The following KIAA0825 variants were observed in gnomAD, a reference collection of about 807,000 sequenced individuals.
The protein encoded by KIAA0825 is uncharacterized protein KIAA0825.
A neutral mutation model predicts 147.6 loss-of-function variants in KIAA0825; 119 were observed. The observed-to-expected ratio is 0.81, with a 90% CI of 0.69 to 0.94. The LOEUF (loss-of-function observed/expected upper bound fraction) is 0.94. Among genes scored for constraint, KIAA0825 ranks in the 40% least tolerant of loss-of-function variants. The pLI is 0.00. For synonymous variants in KIAA0825, 470 were observed against 518.1 expected (o/e 0.91, Z 1.26); for missense variants, 1,381 against 1,472.7 (o/e 0.94, Z 1.02).
intron 20 of KIAA0825, among the ~76,000 whole-genome samples, chr5:94,233,447 G>C (rs1303263328): frequency 6.6e-6 from 1 of 152,128 alleles, no homozygotes; most frequent in Non-Finnish European, 1.5e-5. Context: ...CTCATTTCTT[G>C]TTTGTGTTTG....
intron 5 of KIAA0825, among the ~76,000 whole-genome samples, chr5:94,493,375 G>T (rs1194026320): frequency 6.6e-6 from 1 of 152,174 alleles, no homozygotes; most frequent in Non-Finnish European, 1.5e-5. Context: ...ACCCTTTCAG[G>T]AATTTAGACA....
chr5:94,440,209 C>G, intron 13 of KIAA0825, 88 bp from the exon 14 acceptor site: 1 of 1,255,100 alleles, frequency 8.0e-7, no homozygotes, highest in African/African-American at 1.5e-5. Flanking sequence ...ATGCTAACTC[C>G]TTTAAATGTC....
intron 1 of KIAA0825, among the ~76,000 whole-genome samples, chr5:94,587,478 G>A (rs563899865): frequency 9.9e-5 from 15 of 152,100 alleles, no homozygotes; most frequent in African/African-American, 3.6e-4. Context: ...TAGGAATCCA[G>A]CTTACAAGGG....
chr5:94,350,467 G>A (rs761586304), intron 20 of KIAA0825, among the ~76,000 whole-genome samples: 38 of 151,974 alleles, frequency 2.5e-4, no homozygotes, highest in Non-Finnish European at 4.0e-4. Context: ...ACCAGGAAAG[G>A]ACATAACCAA....
chr5:94,356,335 C>T (rs917459210), intron 20 of KIAA0825, among the ~76,000 whole-genome samples: 2 of 151,858 alleles, frequency 1.3e-5, no homozygotes, highest in Non-Finnish European at 2.9e-5. Context: ...CAGCCGGGAG[C>T]GGTGGCTCAT....
At chr5:94,563,977 G>T (rs1317029905) in intron 2 of KIAA0825, among the ~76,000 whole-genome samples, 1 of 152,022 alleles carries the variant, frequency 6.6e-6, no homozygotes, top group Admixed American at 6.5e-5. Context: ...GAGCCATAGT[G>T]CCTGCCCTGA....
chr5:94,495,900 T>C (rs962406872), intron 5 of KIAA0825, among the ~76,000 whole-genome samples: 6 of 152,226 alleles, frequency 3.9e-5, no homozygotes, highest in African/African-American at 1.4e-4. Flanking sequence ...TTTGAGTATA[T>C]AGACAAATCT....
At chr5:94,154,471 T>C (rs1204052695) in intron 20 of KIAA0825, among the ~76,000 whole-genome samples, 1 of 152,240 alleles carries the variant, frequency 6.6e-6, no homozygotes, top group African/African-American at 2.4e-5. Context: ...ATATTTTTCA[T>C]AGCATTTTTT....
chr5:94,419,074 C>A (rs1442493854), intron 14 of KIAA0825, among the ~76,000 whole-genome samples: 1 of 152,034 alleles, frequency 6.6e-6, no homozygotes, highest in Non-Finnish European at 1.5e-5. Context: ...TGGGGTCTTG[C>A]TCTGTTGCTC....
chr5:94,268,531 A>G (rs773292947), intron 20 of KIAA0825, among the ~76,000 whole-genome samples: 5 of 152,192 alleles, frequency 3.3e-5, no homozygotes, highest in Non-Finnish European at 7.3e-5. Context: ...GCTATGCCAC[A>G]AATAGAAACG....
intron 1 of KIAA0825, among the ~76,000 whole-genome samples, chr5:94,614,950 G>A (rs892979506): frequency 2.0e-5 from 3 of 151,820 alleles, no homozygotes; most frequent in African/African-American, 7.3e-5. Context: ...CAGACAACAC[G>A]TTTGAGGCTT....
intron 2 of KIAA0825, among the ~76,000 whole-genome samples, chr5:94,541,907 C>T (rs1026993433): frequency 6.6e-6 from 1 of 152,126 alleles, no homozygotes; most frequent in African/African-American, 2.4e-5. Flanking sequence ...TATTGGTATA[C>T]GTTCCAAAAT....
chr5:94,218,916 T>C (rs1219444614), intron 20 of KIAA0825, among the ~76,000 whole-genome samples: 1 of 152,210 alleles, frequency 6.6e-6, no homozygotes, highest in Non-Finnish European at 1.5e-5. Flanking sequence ...ATTTACCTTA[T>C]TCAGCTTTGG....
intron 20 of KIAA0825, among the ~76,000 whole-genome samples, chr5:94,364,858 G>C (rs117728165): frequency 6.6e-6 from 1 of 151,966 alleles, no homozygotes; most frequent in Non-Finnish European, 1.5e-5. Context: ...CTGTAAAATC[G>C]ACCTGCAGAC....
intron 20 of KIAA0825, among the ~76,000 whole-genome samples, chr5:94,376,937 A>C (rs949450419): frequency 1.3e-5 from 2 of 152,148 alleles, no homozygotes; most frequent in African/African-American, 2.4e-5. Flanking sequence ...AACTATAAAC[A>C]TTGTGTTAAT....
At chr5:94,450,866 A>G (rs750233603) in intron 13 of KIAA0825, among the ~76,000 whole-genome samples, 1 of 152,198 alleles carries the variant, frequency 6.6e-6, no homozygotes, top group African/African-American at 2.4e-5. Context: ...TACACCTGTT[A>G]ACATCATCCT....
chr5:94,203,753 A>T (rs1407322511), intron 20 of KIAA0825, among the ~76,000 whole-genome samples: 1 of 152,160 alleles, frequency 6.6e-6, no homozygotes, highest in Non-Finnish European at 1.5e-5. Context: ...ACAGCTCCTC[A>T]TCTCCTTCCC....
chr5:94,158,580 A>G (rs1767260429), intron 20 of KIAA0825, among the ~76,000 whole-genome samples: 1 of 152,196 alleles, frequency 6.6e-6, no homozygotes. Context: ...ATCTCCAAAT[A>G]ATATTGAATA....
intron 20 of KIAA0825, among the ~76,000 whole-genome samples, chr5:94,252,119 T>C (rs1340916421): frequency 6.6e-6 from 1 of 152,034 alleles, no homozygotes; most frequent in East Asian, 1.9e-4. Context: ...ATTAAAATCA[T>C]TAAAATGTAA....
Sources: allele counts gnomAD v4.1 joint callset (sites outside exome capture counted in the v4.1 genomes callset), GRCh38; gene constraint gnomAD v4.1.1; transcripts MANE v1.5; gene names NCBI Gene and HGNC (gene_info 2026-07-23, HGNC 2026-07-21).